The following FYN variants were observed in gnomAD, a reference collection of about 807,000 sequenced individuals.
The protein encoded by FYN is tyrosine-protein kinase Fyn.
Under a neutral mutation model 70.2 loss-of-function variants are expected in FYN, and 10 were observed. The observed-to-expected ratio is 0.14, with a 90% confidence interval of 0.09 to 0.24. FYN has a LOEUF of 0.24. Among genes scored for constraint, FYN ranks in the 10% least tolerant of loss-of-function variants. FYN has a pLI of 1.00. For synonymous variants in FYN, 236 were observed against 248.6 expected (o/e 0.95, Z 0.48); for missense variants, 319 against 673.1 (o/e 0.47, Z 5.82).
At chr6:111,677,153 CCAAA>C (rs909015487) in intron 12 of FYN, among the ~76,000 whole-genome samples, 6 of 152,264 alleles carry the variant, frequency 3.9e-5, no homozygotes, top group African/African-American at 1.2e-4. Flanking sequence ...TATATTTACA[CCAAA>C]CAATGTATTT....
intron 3 of FYN, among the ~76,000 whole-genome samples, chr6:111,735,206 A>G (rs777524276): frequency 2.6e-5 from 4 of 152,222 alleles, no homozygotes; most frequent in Admixed American, 1.3e-4. Flanking sequence ...TGTGCCAAGC[A>G]TATTTCGAGG....
intron 3 of FYN, among the ~76,000 whole-genome samples, chr6:111,755,841 C>T (rs1053612263): frequency 6.6e-6 from 1 of 151,956 alleles, no homozygotes; most frequent in African/African-American, 2.4e-5. Context: ...GATAAAAATA[C>T]TCCATATTAG....
rs771152377 is a variant in FYN at position 111,661,890 on chromosome 6, G to A, written c.1463C>T (p.Pro488Leu). The change falls in exon 14 of 14, where the codon CCG (proline) becomes CTG (leucine). Residue 488 changes from proline to leucine, a missense_variant. By Grantham distance (98) the Pro-to-Leu change is moderately conservative (BLOSUM62 -3). Transcript: ENST00000354650. The surrounding 1 kb of genome is among the most constrained non-coding windows in gnomAD (Gnocchi z 4.0). Reference sequence around the variant, plus strand: ...ATGCAGAGAGATGGGGCAGTCCTGCGGGCAGGGCATCCTGTAGCCTCGCTC... The same window carrying A: ...ATGCAGAGAGATGGGGCAGTCCTGCAGGCAGGGCATCCTGTAGCCTCGCTC... ...QVERGYRMPC[P>L]QDCPISLHEL... 9 of 1,614,068 alleles carry A rather than the reference G, an allele frequency of 5.6e-6. No homozygotes were observed. The highest frequency in any genetic ancestry group is 2.2e-5 in the East Asian group (1 of 44,890).
intron 2 of FYN, among the ~76,000 whole-genome samples, chr6:111,794,584 T>C (rs1262374629): frequency 1.3e-5 from 2 of 152,314 alleles, no homozygotes; most frequent in East Asian, 1.9e-4. Context: ...GTACAGTCCA[T>C]GAACTGAGAA....
intron 5 of FYN, among the ~76,000 whole-genome samples, chr6:111,712,935 G>C (rs1454743158): frequency 2.6e-5 from 4 of 152,194 alleles, no homozygotes; most frequent in Non-Finnish European, 4.4e-5. Context: ...TTGAGCGGCA[G>C]TAAGTACGTT....
At chr6:111,726,637 G>A (rs1583369035) in intron 3 of FYN, among the ~76,000 whole-genome samples, 1 of 152,262 alleles carries the variant, frequency 6.6e-6, no homozygotes, top group East Asian at 1.9e-4. Flanking sequence ...TGGGTGTGAG[G>A]GCTGGAGGTG....
chr6:111,771,069 C>T (rs185406398), intron 3 of FYN, among the ~76,000 whole-genome samples: 119 of 152,218 alleles, frequency 7.8e-4, no homozygotes, highest in African/African-American at 2.9e-3. Flanking sequence ...TTACCTGCAC[C>T]ATTCCCGGTC....
intron 3 of FYN, among the ~76,000 whole-genome samples, chr6:111,772,190 G>GA (rs965405033): frequency 2.5e-4 from 38 of 150,862 alleles, no homozygotes; most frequent in Non-Finnish European, 4.0e-4. Flanking sequence ...CCAAGGGCAA[G>GA]AAAAAAAAAT....
chr6:111,867,736 T>G (rs1774155742), intron 1 of FYN, among the ~76,000 whole-genome samples: 1 of 152,168 alleles, frequency 6.6e-6, no homozygotes, highest in Admixed American at 6.5e-5. Flanking sequence ...CCTCATCTAC[T>G]ACTCATTTAA....
At chr6:111,699,431 C>T (rs562383204) in intron 9 of FYN, 30 of 1,433,300 alleles carry the variant, frequency 2.1e-5, no homozygotes, top group African/African-American at 1.7e-4. Context: ...TTTGTCCCAA[C>T]GGCTGTGTGT....
At chr6:111,839,461 G>A (rs1000369928) in intron 2 of FYN, among the ~76,000 whole-genome samples, 8 of 152,072 alleles carry the variant, frequency 5.3e-5, no homozygotes, top group African/African-American at 1.9e-4. Context: ...ATGATAAAGT[G>A]ACTCGATGAG....
At chr6:111,800,566 G>A (rs1429543772) in intron 2 of FYN, among the ~76,000 whole-genome samples, 1 of 152,186 alleles carries the variant, frequency 6.6e-6, no homozygotes, top group Non-Finnish European at 1.5e-5. Flanking sequence ...CTGCAACCGC[G>A]CTTCCTAAAT....
chr6:111,662,054 A>G (rs964826664), intron 13 of FYN, 107 bp from the exon 14 acceptor site: 21 of 890,222 alleles, frequency 2.4e-5, no homozygotes, highest in Middle Eastern at 3.6e-4. Context: ...TGGCTAAAAC[A>G]TGCGGAGTAC....
intron 1 of FYN, among the ~76,000 whole-genome samples, chr6:111,860,450 G>A (rs540018333): frequency 2.6e-4 from 39 of 152,260 alleles, no homozygotes; most frequent in African/African-American, 8.2e-4. Context: ...AGGAAGCCCT[G>A]TTCTGGGGAT....
At chr6:111,684,940 T>C (rs1051246190) in intron 12 of FYN, among the ~76,000 whole-genome samples, 1 of 152,170 alleles carries the variant, frequency 6.6e-6, no homozygotes, top group East Asian at 1.9e-4. Flanking sequence ...ATTCCAATTA[T>C]CCTTCCAGTT....
intron 12 of FYN, among the ~76,000 whole-genome samples, chr6:111,686,165 C>T (rs1489245307): frequency 6.6e-6 from 1 of 152,082 alleles, no homozygotes; most frequent in Non-Finnish European, 1.5e-5. Context: ...TGACCTGCTC[C>T]CCCTAACTAT....
chr6:111,791,569 G>A (rs1461825626), intron 2 of FYN, among the ~76,000 whole-genome samples: 2 of 152,146 alleles, frequency 1.3e-5, no homozygotes, highest in Admixed American at 6.5e-5. Context: ...TGGGGAAGAC[G>A]GCCATGTGGC....
At chr6:111,859,588 A>G (rs1773907164) in intron 1 of FYN, among the ~76,000 whole-genome samples, 2 of 152,182 alleles carry the variant, frequency 1.3e-5, no homozygotes, top group African/African-American at 4.8e-5. Flanking sequence ...TGCAAATTTC[A>G]CTGTATCTTT....
At chr6:111,861,686 C>G (rs1773967819) in intron 1 of FYN, among the ~76,000 whole-genome samples, 1 of 152,198 alleles carries the variant, frequency 6.6e-6, no homozygotes, top group Non-Finnish European at 1.5e-5. Context: ...AACGAGGAAT[C>G]ACAGCGAGCT....
Sources: gnomAD v4.1 joint callset for allele counts (sites outside exome capture counted in the v4.1 genomes callset) on GRCh38, gnomAD v4.1.1 for gene constraint, Gnocchi (gnomAD v3.1) non-coding constraint, MANE v1.5 for transcripts, NCBI Gene and HGNC (gene_info 2026-07-23, HGNC 2026-07-21) for gene names.